PCDHGB3: variants seen among roughly 807,000 people sequenced by gnomAD.
The protein encoded by PCDHGB3 is protocadherin gamma-B3.
A neutral mutation model predicts 59.2 loss-of-function variants in PCDHGB3; 40 were observed. The observed-to-expected ratio is 0.68, with a 90% CI of 0.52 to 0.88. The LOEUF (loss-of-function observed/expected upper bound fraction) is 0.88. Ranked by LOEUF, PCDHGB3 falls within the 40% of genes least tolerant of loss-of-function variation. The pLI is 0.00. For synonymous variants in PCDHGB3, 581 were observed against 503.6 expected (o/e 1.15, Z -2.06); for missense variants, 1,309 against 1,187.9 (o/e 1.10, Z -1.50).
chr5:141,511,353 A>C lies in PCDHGB3; in HGVS notation c.*180A>C. ...AGTCAGCACCTACCCCTTCCCCCCC[A>C]GGGGGTTGAATATGCAAAAGCAGTT... On this transcript the variant is annotated 3_prime_UTR_variant, in exon 4 of 4. Transcript: ENST00000576222. 7.3e-7 allele frequency: 1 copy of C among 1,371,054 alleles called. No individual in the cohort carries two copies. Among genetic ancestry groups the C allele is most frequent in the Non-Finnish European group, 9.7e-7 (1 of 1,027,740 alleles). The allele number at this position is 1,371,054 out of a possible 1,614,324, so 84.9% of individuals were successfully genotyped here. A position where few individuals can be genotyped will look rare whatever the true frequency, so the allele number is the denominator to read the frequency against.
chr5:141,462,911 T>C (rs1263378930), intron 1 of PCDHGB3, among the ~76,000 whole-genome samples: 1 of 152,248 alleles, frequency 6.6e-6, no homozygotes, highest in Non-Finnish European at 1.5e-5. Flanking sequence ...ATTATGTTTT[T>C]TGCAGATCAG....
chr5:141,446,800 G>C (rs1332771959), intron 1 of PCDHGB3, among the ~76,000 whole-genome samples: 1 of 152,150 alleles, frequency 6.6e-6, no homozygotes, highest in African/African-American at 2.4e-5. Flanking sequence ...TTCTTCCATT[G>C]TGATCATCTA....
At chr5:141,474,087 A>C (rs1483673747) in intron 1 of PCDHGB3, among the ~76,000 whole-genome samples, 4 of 152,198 alleles carry the variant, frequency 2.6e-5, no homozygotes, top group South Asian at 2.1e-4. Context: ...AAAACCAAAA[A>C]ACAAACAACA....
chr5:141,392,741 C>T, intron 1 of PCDHGB3: 1 of 1,435,876 alleles, frequency 7.0e-7, no homozygotes. Context: ...ATCTCCATAG[C>T]TGCGGCAAGA....
intron 1 of PCDHGB3, chr5:141,408,042 C>T (rs2095031452): frequency 1.7e-6 from 2 of 1,204,046 alleles, no homozygotes; most frequent in Non-Finnish European, 2.2e-6. Flanking sequence ...AACCAGCTCC[C>T]ACACAGAGCC....
chr5:141,461,072 A>G (rs555905734), intron 1 of PCDHGB3, among the ~76,000 whole-genome samples: 2 of 151,574 alleles, frequency 1.3e-5, no homozygotes, highest in Non-Finnish European at 2.9e-5. Flanking sequence ...ACATTTTTGC[A>G]ATTGTGAATT....
At chr5:141,460,043 A>G (rs527752346) in intron 1 of PCDHGB3, among the ~76,000 whole-genome samples, 1 of 152,276 alleles carries the variant, frequency 6.6e-6, no homozygotes, top group South Asian at 2.1e-4. Context: ...GCACCACTGC[A>G]CTCCAGCCTG....
Position 141,491,680 on chromosome 5 carries a change from A to G in PCDHGB3, c.2416-3127A>G. The G allele has an allele frequency of 6.2e-7, 1 of 1,613,304 alleles. No individual in the cohort carries two copies. The highest frequency in any genetic ancestry group is 2.2e-5 in the East Asian group (1 of 44,820). ...TGACGCCATCCGGTCCCGCTCTAATACGCTGCGGGAGCGGAGCCAGGTGAG... is the reference window on the plus strand; with the variant it reads ...TGACGCCATCCGGTCCCGCTCTAATGCGCTGCGGGAGCGGAGCCAGGTGAG... On this transcript the variant is annotated intron_variant, in intron 1 of 3. Transcript: ENST00000576222. The surrounding 1 kb of genome is among the most constrained non-coding windows in gnomAD (Gnocchi z 6.9).
intron 1 of PCDHGB3, among the ~76,000 whole-genome samples, chr5:141,448,521 GCATCCTGTCAGCATTTC>G (rs1378426350): frequency 1.3e-5 from 2 of 151,994 alleles, no homozygotes; most frequent in Non-Finnish European, 2.9e-5. Flanking sequence ...ACTTTATTAA[GCATCCTGTCAGCATTTC>G]TTATGCAAAT....
intron 1 of PCDHGB3, chr5:141,421,951 A>G: frequency 6.2e-7 from 1 of 1,612,854 alleles, no homozygotes; most frequent in Non-Finnish European, 8.5e-7. Flanking sequence ...TCACATCCCA[A>G]TGTTTACACA....
intron 1 of PCDHGB3, chr5:141,415,740 GTTTTTT>G (rs57426385): frequency 0.053 from 32,266 of 613,620 alleles, 66 homozygotes; most frequent in South Asian, 0.061. Flanking sequence ...GTTTATTAAG[GTTTTTT>G]TTTTTTTTTT....
At chr5:141,474,997 A>C (rs2154572220) in intron 1 of PCDHGB3, among the ~76,000 whole-genome samples, 1 of 152,376 alleles carries the variant, frequency 6.6e-6, no homozygotes, top group African/African-American at 2.4e-5. Flanking sequence ...ACAATTCTAA[A>C]TGCAGAAAAG....
intron 1 of PCDHGB3, chr5:141,408,803 G>T: frequency 6.2e-7 from 1 of 1,613,150 alleles, no homozygotes; most frequent in South Asian, 1.1e-5. Flanking sequence ...GAAACTCCTA[G>T]ACCGGGAAGA....
At chr5:141,388,880 G>A (rs1426155590) in intron 1 of PCDHGB3, 1 of 1,613,982 alleles carries the variant, frequency 6.2e-7, no homozygotes, top group Non-Finnish European at 8.5e-7. Flanking sequence ...GCACAGTGGA[G>A]GTAGAAGTCA....
In PCDHGB3 at chr5:141,486,435, A is replaced by G. The variant is rs2099629501; in HGVS notation, c.2416-8372A>G. The G allele has an allele frequency of 6.2e-7, 1 of 1,614,118 alleles. No homozygotes were observed. Among genetic ancestry groups the G allele is most frequent in the Non-Finnish European group, 8.5e-7 (1 of 1,179,960 alleles). ...TTGGATCGAGAGGCCAAATCTAGCT[A>G]TGACATCATGGTCACTGCTTCTGAT... is the stretch of plus-strand genomic sequence containing the variant. On this transcript the variant is annotated intron_variant, in intron 1 of 3. Coordinates refer to ENST00000576222, the MANE Select transcript of PCDHGB3 (RefSeq NM_018924.5). This position sits in a 1 kb window ranked among gnomAD's most constrained non-coding sequence, Gnocchi z 5.0.
chr5:141,405,222 T>A, intron 1 of PCDHGB3: 5 of 1,613,886 alleles, frequency 3.1e-6, no homozygotes, highest in Non-Finnish European at 4.2e-6. Context: ...TCTCAGGAGT[T>A]CTCCCTCACC....
In PCDHGB3 at chr5:141,370,948, A is replaced by G. The variant is rs1401435063; in HGVS notation, c.554A>G (p.Asn185Ser). 1 of 1,613,966 alleles carries G rather than the reference A, an allele frequency of 6.2e-7. No homozygotes were observed. Residue 185 changes from asparagine (N) to serine (S), a missense_variant, in exon 1 of 4, where the codon AAC (asparagine) becomes AGC (serine). Coordinates refer to ENST00000576222, the MANE Select transcript of PCDHGB3 (RefSeq NM_018924.5). ...CACTTCTCTTTGATTCAGAAGGAGA[A>G]CCTGGATGGCAGTAGGTACCCAGAG... ...DPHFSLIQKE[N>S]LDGSRYPELV...
intron 1 of PCDHGB3, chr5:141,423,450 T>G (rs571358720): frequency 1.2e-6 from 2 of 1,614,050 alleles, no homozygotes; most frequent in East Asian, 4.5e-5. Flanking sequence ...CGTCACATTT[T>G]GTAGGCGTGG....
intron 1 of PCDHGB3, chr5:141,418,063 G>C (rs2015825): frequency 1.9e-6 from 3 of 1,613,754 alleles, no homozygotes; most frequent in Admixed American, 1.7e-5. Flanking sequence ...AGCTGCGAGT[G>C]AGCGCGGAGA....
Sources: allele counts gnomAD v4.1 joint callset (sites outside exome capture counted in the v4.1 genomes callset), GRCh38; gene constraint gnomAD v4.1.1; non-coding constraint Gnocchi (gnomAD v3.1); transcripts MANE v1.5; gene names NCBI Gene and HGNC (gene_info 2026-07-23, HGNC 2026-07-21).